PAX2: variants seen among roughly 807,000 people sequenced by gnomAD.
PAX2 encodes the protein paired box protein Pax-2.
Under a neutral mutation model 41.7 loss-of-function variants are expected in PAX2, and 9 were observed. The ratio of observed to expected loss-of-function variants is 0.22; its 90% CI spans 0.13 to 0.38. The LOEUF is 0.38. Ranked by LOEUF, PAX2 falls within the 10% of genes least tolerant of loss-of-function variation. PAX2 has a pLI of 1.00. For missense variants in PAX2, 418 were observed against 531.6 expected (o/e 0.79, Z 2.10); for synonymous variants, 221 against 212.7 (o/e 1.04, Z -0.34).
intron 3 of PAX2, among the ~76,000 whole-genome samples, chr10:100,760,961 C>A (rs1405637137): frequency 2.0e-5 from 3 of 152,094 alleles, no homozygotes; most frequent in Admixed American, 6.5e-5. Context: ...TCTGGGAGAG[C>A]CAGAGAGAAG....
chr10:100,806,353 C>T, intron 5 of PAX2, 77 bp from the exon 6 acceptor site: 1 of 1,483,758 alleles, frequency 6.7e-7, no homozygotes, highest in African/African-American at 1.4e-5. Flanking sequence ...AACCAGATGC[C>T]CACCTCTTTG....
chr10:100,814,191 AT>A (rs1162482001), intron 7 of PAX2, among the ~76,000 whole-genome samples: 4 of 151,954 alleles, frequency 2.6e-5, no homozygotes, highest in Non-Finnish European at 5.9e-5. Context: ...CACTAAAAAA[AT>A]ATACAAAAAA....
At position 100,827,840 on chromosome 10, in the gene PAX2, C is replaced by G; in HGVS notation, c.*221C>G. 1 of 637,520 alleles carries G rather than the reference C, an allele frequency of 1.6e-6. No homozygotes were observed. The highest frequency in any genetic ancestry group is 3.0e-5 in the Admixed American group (1 of 33,120). The allele number at this position is 637,520 out of a possible 1,614,324, so 39.5% of individuals were successfully genotyped here. A position where few individuals can be genotyped will look rare whatever the true frequency, so the allele number is the denominator to read the frequency against. On this transcript the variant is annotated 3_prime_UTR_variant, in exon 10 of 10. Transcript: ENST00000355243. The surrounding 1 kb of genome is among the most constrained non-coding windows in gnomAD (Gnocchi z 8.5). ...CGTGGGCGGGACCCTCAGGCCCGGGCCCGCCGCCCCCAGCCCCGCCTGCCG... is the reference window on the plus strand; with the variant it reads ...CGTGGGCGGGACCCTCAGGCCCGGGGCCGCCGCCCCCAGCCCCGCCTGCCG...
chr10:100,822,915 T>C (rs1848418687), intron 7 of PAX2, among the ~76,000 whole-genome samples: 1 of 152,180 alleles, frequency 6.6e-6, no homozygotes, highest in South Asian at 2.1e-4. Context: ...TAATAGTTTT[T>C]ACAAGGGAAG....
intron 5 of PAX2, among the ~76,000 whole-genome samples, chr10:100,792,687 G>C (rs964127594): frequency 6.6e-6 from 1 of 152,160 alleles, no homozygotes; most frequent in African/African-American, 2.4e-5. Flanking sequence ...AACTGGCCAA[G>C]GATGGCGTTG....
rs1848494737 is a variant in PAX2 at position 100,824,807 on chromosome 10, G to A, written c.1021+58G>A. ...GTGGGGGGAACTAAATTGTGGGTGA[G>A]CTGCTGAATGGTCTGTAGTCTGAGG... On this transcript the variant is annotated intron_variant, in intron 8 of 9. Coordinates refer to ENST00000355243, the MANE Select transcript of PAX2 (RefSeq NM_000278.5). This position sits in a 1 kb window ranked among gnomAD's most constrained non-coding sequence, Gnocchi z 6.6. 1.3e-6 allele frequency: 2 copies of A among 1,492,808 alleles called. No homozygotes were observed. The highest frequency in any genetic ancestry group is 1.9e-6 in the Non-Finnish European group (2 of 1,069,516). The allele number at this position is 1,492,808 out of a possible 1,614,324, so 92.5% of individuals were successfully genotyped here. A position where few individuals can be genotyped will look rare whatever the true frequency, so the allele number is the denominator to read the frequency against.
intron 4 of PAX2, 70 bp from the exon 5 acceptor site, chr10:100,781,176 G>A: frequency 6.5e-7 from 1 of 1,531,142 alleles, no homozygotes; most frequent in South Asian, 1.1e-5. Flanking sequence ...CCCCAGCCTT[G>A]GGGCTTTGGC....
intron 7 of PAX2, among the ~76,000 whole-genome samples, chr10:100,816,742 G>A (rs1015484643): frequency 1.3e-5 from 2 of 152,108 alleles, no homozygotes; most frequent in African/African-American, 4.8e-5. Flanking sequence ...GACAAGCTCC[G>A]CCACTATTGT....
chr10:100,735,622 C>T lies in PAX2; in HGVS notation c.-87C>T, dbSNP rs1306924233. 11 of 1,022,464 alleles carry T rather than the reference C, an allele frequency of 1.1e-5. No homozygotes were observed. The Admixed American group carries it at 1.6e-4, about 15-fold the overall frequency. 63.3% of individuals were successfully genotyped at this position (1,022,464 alleles called of 1,614,324 possible). ...CGCCCAGATCTCCGGGCGGCGGCGG[C>T]GGCGAAGGCGAGACGCGTTGTCGGG... On this transcript the variant is annotated 5_prime_UTR_variant, in exon 1 of 10. Coordinates refer to the PAX2 transcript ENST00000679374.
At chr10:100,821,720 C>T (rs12773936) in intron 7 of PAX2, among the ~76,000 whole-genome samples, 26,126 of 152,120 alleles carry the variant, frequency 0.17, 2,625 homozygotes, top group Middle Eastern at 0.34. Context: ...GTGACAAAAC[C>T]TTAGATTATA....
At chr10:100,813,512 G>A (rs1193142191) in intron 7 of PAX2, among the ~76,000 whole-genome samples, 2 of 152,202 alleles carry the variant, frequency 1.3e-5, no homozygotes, top group Non-Finnish European at 2.9e-5. Context: ...ACACCAGTCA[G>A]GGAATGTGAC....
chr10:100,782,339 G>A (rs544399750), intron 5 of PAX2, among the ~76,000 whole-genome samples: 22 of 152,354 alleles, frequency 1.4e-4, no homozygotes, highest in African/African-American at 4.6e-4. Flanking sequence ...TGTTGTCTCT[G>A]CATCTTGGCC....
chr10:100,766,387 A>G (rs1409061575), intron 3 of PAX2, among the ~76,000 whole-genome samples: 3 of 152,192 alleles, frequency 2.0e-5, no homozygotes, highest in Admixed American at 1.3e-4. Context: ...AGATACTGGG[A>G]AGGAAGAAGA....
At chr10:100,813,553 C>A (rs1236031288) in intron 7 of PAX2, among the ~76,000 whole-genome samples, 1 of 152,124 alleles carries the variant, frequency 6.6e-6, no homozygotes, top group East Asian at 1.9e-4. Context: ...AACTGAGTAT[C>A]ATCCTGCATA....
upstream of PAX2, among the ~76,000 whole-genome samples, chr10:100,743,314 A>G (rs114911269): frequency 9.1e-4 from 138 of 152,164 alleles, 1 homozygote; most frequent in African/African-American, 3.1e-3. Context: ...AAAATGGAAA[A>G]TCCTTCTCGC....
At chr10:100,810,115 C>T (rs763875514) in intron 7 of PAX2, among the ~76,000 whole-genome samples, 1 of 152,126 alleles carries the variant, frequency 6.6e-6, no homozygotes, top group African/African-American at 2.4e-5. Context: ...AGAAGGGTCT[C>T]GGTGGGGATT....
At chr10:100,813,865 G>T (rs922580710) in intron 7 of PAX2, among the ~76,000 whole-genome samples, 6 of 152,056 alleles carry the variant, frequency 3.9e-5, no homozygotes, top group African/African-American at 1.2e-4. Context: ...GACTCCCACA[G>T]GGGGAAGAAA....
intron 5 of PAX2, among the ~76,000 whole-genome samples, chr10:100,805,947 C>T (rs1847766167): frequency 6.6e-6 from 1 of 152,206 alleles, no homozygotes; most frequent in African/African-American, 2.4e-5. Context: ...CCAGGTTACA[C>T]TCGGCCTCGG....
intron 7 of PAX2, among the ~76,000 whole-genome samples, chr10:100,816,304 G>A (rs957061910): frequency 7.9e-5 from 12 of 152,244 alleles, no homozygotes; most frequent in Non-Finnish European, 1.2e-4. Context: ...CAGGTTACGG[G>A]ACCCTTTTGG....
Sources: allele counts gnomAD v4.1 joint callset (sites outside exome capture counted in the v4.1 genomes callset), GRCh38; gene constraint gnomAD v4.1.1; non-coding constraint Gnocchi (gnomAD v3.1); transcripts MANE v1.5; gene names NCBI Gene and HGNC (gene_info 2026-07-23, HGNC 2026-07-21).